HTR7: variants seen among roughly 807,000 people sequenced by gnomAD.
The protein encoded by HTR7 is 5-HT-7.
HTR7 carries 16 observed loss-of-function variants against 34.0 expected under a neutral mutation model. The ratio of observed to expected loss-of-function variants is 0.47; its 90% CI spans 0.32 to 0.71. HTR7 has a LOEUF of 0.71. Among genes scored for constraint, HTR7 ranks in the 30% least tolerant of loss-of-function variants. The pLI, the probability that HTR7 is intolerant of heterozygous loss-of-function variation, is 0.04. For synonymous variants in HTR7, 265 were observed against 260.2 expected (o/e 1.02, Z -0.18); for missense variants, 504 against 625.5 (o/e 0.81, Z 2.07).
In HTR7 at chr10:90,857,561, G is replaced by A. The variant is rs548818009; in HGVS notation, c.111C>T (p.Ala37=). ...GCGCCCAGGAGCCCGCGACCGGGTC[G>A]GCGCCACCGTCGGGGCTCAAGTCGG... The part of the protein sequence containing the change: ...GLPDLSPDGG[A]DPVAGSWAPH... The change falls in exon 1 of 4, where the codon GCC becomes GCT. Residue 37 remains alanine, a synonymous_variant. Transcript: ENST00000336152. This position sits in a 1 kb window ranked among gnomAD's most constrained non-coding sequence, Gnocchi z 6.5. The A allele has an allele frequency of 1.3e-6, 2 of 1,596,514 alleles. No homozygotes were observed. Among genetic ancestry groups the A allele is most frequent in the Non-Finnish European group, 8.5e-7 (1 of 1,172,796 alleles).
rs75813506 is a variant in HTR7 at position 90,829,653 on chromosome 10, G to A, written c.539+27480C>T. Among the ~76,000 whole-genome samples, 5 of 152,202 alleles carry A rather than the reference G, an allele frequency of 3.3e-5. No individual in the cohort carries two copies. The East Asian group carries it at 9.6e-4, about 29-fold the overall frequency. On this transcript the variant is annotated intron_variant, in intron 1 of 3. Coordinates refer to ENST00000336152, the MANE Select transcript of HTR7 (RefSeq NM_019859.4). ...ATCAGACAAGAGAAAGATATAAGAG[G>A]CATTCAAATTGCAAAGAAGTCAAAC...
intron 1 of HTR7, among the ~76,000 whole-genome samples, chr10:90,753,389 G>A (rs560202986): frequency 6.6e-6 from 1 of 151,506 alleles, no homozygotes; most frequent in Admixed American, 6.6e-5. Flanking sequence ...GAGAGAGAGA[G>A]AGAGAAAGAA....
intron 1 of HTR7, among the ~76,000 whole-genome samples, chr10:90,810,548 A>G (rs547536104): frequency 2.6e-5 from 4 of 152,204 alleles, no homozygotes; most frequent in African/African-American, 9.6e-5. Flanking sequence ...CAAGCCTTAC[A>G]AGTTAGTTCA....
At chr10:90,833,637 C>T (rs1846211773) in intron 1 of HTR7, among the ~76,000 whole-genome samples, 1 of 152,118 alleles carries the variant, frequency 6.6e-6, no homozygotes, top group African/African-American at 2.4e-5. Context: ...TCTGAGTTAT[C>T]TTCCTTTTCC....
chr10:90,756,168 G>C (rs1416695773), intron 1 of HTR7, among the ~76,000 whole-genome samples: 1 of 152,210 alleles, frequency 6.6e-6, no homozygotes, highest in Non-Finnish European at 1.5e-5. Context: ...GGTGACAGAA[G>C]CCAGAATGGC....
At chr10:90,816,400 A>G (rs929062569) in intron 1 of HTR7, among the ~76,000 whole-genome samples, 12 of 152,230 alleles carry the variant, frequency 7.9e-5, no homozygotes, top group Non-Finnish European at 1.8e-4. Flanking sequence ...AAAAGGAGAG[A>G]TTAGAGAGAG....
intron 1 of HTR7, among the ~76,000 whole-genome samples, chr10:90,772,550 A>T (rs953123348): frequency 5.3e-5 from 8 of 152,234 alleles, no homozygotes; most frequent in African/African-American, 1.9e-4. Flanking sequence ...TCTTTAAAAT[A>T]AAGCAAAAAT....
intron 1 of HTR7, among the ~76,000 whole-genome samples, chr10:90,803,808 T>C (rs1208933662): frequency 1.3e-5 from 2 of 152,156 alleles, no homozygotes; most frequent in African/African-American, 4.8e-5. Context: ...GGCTAAGCCA[T>C]AATGGTACGA....
At chr10:90,832,230 G>T (rs1240240131) in intron 1 of HTR7, among the ~76,000 whole-genome samples, 1 of 152,198 alleles carries the variant, frequency 6.6e-6, no homozygotes, top group Non-Finnish European at 1.5e-5. Context: ...GCAGGGGGTG[G>T]CACTCGTCGG....
chr10:90,817,030 C>A (rs967668543), intron 1 of HTR7, among the ~76,000 whole-genome samples: 3 of 152,266 alleles, frequency 2.0e-5, no homozygotes, highest in Non-Finnish European at 4.4e-5. Context: ...AAGGGCCCCA[C>A]CAAGGGACAG....
chr10:90,808,057 A>G (rs61218433), intron 1 of HTR7, among the ~76,000 whole-genome samples: 42,501 of 152,080 alleles, frequency 0.28, 6,500 homozygotes, highest in African/African-American at 0.41. Context: ...CGCCGGTCAC[A>G]GACTGGGAAG....
intron 1 of HTR7, among the ~76,000 whole-genome samples, chr10:90,853,123 C>A (rs2120131691): frequency 6.6e-6 from 1 of 152,020 alleles, no homozygotes; most frequent in South Asian, 2.1e-4. Flanking sequence ...TACACCACCA[C>A]CCACCCCACC....
intron 1 of HTR7, among the ~76,000 whole-genome samples, chr10:90,816,427 A>C (rs1845900206): frequency 6.6e-6 from 1 of 152,248 alleles, no homozygotes; most frequent in South Asian, 2.1e-4. Flanking sequence ...TCTATTTCAA[A>C]GGAAAACTAT....
At chr10:90,833,099 T>C (rs1846202250) in intron 1 of HTR7, among the ~76,000 whole-genome samples, 1 of 152,198 alleles carries the variant, frequency 6.6e-6, no homozygotes. Context: ...TCTCTGGTAG[T>C]TGTGAGGATA....
intron 1 of HTR7, among the ~76,000 whole-genome samples, chr10:90,780,760 C>G (rs1249382922): frequency 1.3e-5 from 2 of 152,140 alleles, no homozygotes; most frequent in Non-Finnish European, 2.9e-5. Context: ...AAATCAAACT[C>G]TCCACATGTA....
chr10:90,822,954 G>A (rs1417752548), intron 1 of HTR7, among the ~76,000 whole-genome samples: 1 of 152,268 alleles, frequency 6.6e-6, no homozygotes, highest in Non-Finnish European at 1.5e-5. Flanking sequence ...CAGAAGGCAA[G>A]AGATGAGGCT....
intron 1 of HTR7, among the ~76,000 whole-genome samples, chr10:90,832,619 C>T (rs927430071): frequency 3.3e-5 from 5 of 152,326 alleles, no homozygotes; most frequent in Admixed American, 6.5e-5. Context: ...CAGAGAAGGG[C>T]TCCCACAGTG....
chr10:90,838,390 GTC>G (rs1429595232), intron 1 of HTR7, among the ~76,000 whole-genome samples: 1 of 152,038 alleles, frequency 6.6e-6, no homozygotes, highest in East Asian at 1.9e-4. Flanking sequence ...TTCTCCAGTT[GTC>G]TCTGTCTCCA....
intron 1 of HTR7, among the ~76,000 whole-genome samples, chr10:90,820,001 T>C (rs540394869): frequency 7.8e-4 from 119 of 152,342 alleles, no homozygotes; most frequent in African/African-American, 2.7e-3. Flanking sequence ...AAATTTGCAT[T>C]TTATTAATCA....
Sources: allele counts gnomAD v4.1 joint callset (sites outside exome capture counted in the v4.1 genomes callset), GRCh38; gene constraint gnomAD v4.1.1; non-coding constraint Gnocchi (gnomAD v3.1); transcripts MANE v1.5; gene names NCBI Gene and HGNC (gene_info 2026-07-23, HGNC 2026-07-21).